SSH2: variants seen among roughly 807,000 people sequenced by gnomAD.
The protein encoded by SSH2 is protein phosphatase Slingshot homolog 2.
In SSH2, 37 loss-of-function variants were observed where a neutral mutation model predicts 135.2. The ratio of observed to expected loss-of-function variants is 0.27; its 90% CI spans 0.21 to 0.36. SSH2 has a LOEUF of 0.36. Among genes scored for constraint, SSH2 ranks in the 10% least tolerant of loss-of-function variants. The probability of loss-of-function intolerance (pLI) is 1.00; values close to 1 mark genes in which losing one functional copy is unlikely to be tolerated. For missense variants in SSH2, 1,408 were observed against 1,765.3 expected (o/e 0.80, Z 3.63); for synonymous variants, 628 against 646.2 (o/e 0.97, Z 0.43).
At chr17:29,887,686 T>C (rs1049903912) in intron 1 of SSH2, among the ~76,000 whole-genome samples, 1 of 152,218 alleles carries the variant, frequency 6.6e-6, no homozygotes, top group African/African-American at 2.4e-5. Context: ...TGGTTGTTCT[T>C]ATTTCTTTCT....
chr17:29,753,772 G>A (rs569740080), intron 3 of SSH2, among the ~76,000 whole-genome samples: 5 of 144,784 alleles, frequency 3.5e-5, no homozygotes, highest in East Asian at 2.0e-4. Flanking sequence ...CAGCCTGGGC[G>A]ATAGAGTGAG....
intron 2 of SSH2, among the ~76,000 whole-genome samples, chr17:29,844,900 A>T (rs970538172): frequency 5.3e-5 from 8 of 152,110 alleles, no homozygotes; most frequent in African/African-American, 1.9e-4. Flanking sequence ...ATTTCCACTT[A>T]TCCAGATTTC....
chr17:29,764,843 CCTT>C (rs2041407150), intron 3 of SSH2, among the ~76,000 whole-genome samples: 1 of 152,136 alleles, frequency 6.6e-6, no homozygotes, highest in African/African-American at 2.4e-5. Context: ...TCCATGTATC[CCTT>C]ATGGTATAAT....
At chr17:29,765,537 A>G (rs1328176184) in intron 3 of SSH2, among the ~76,000 whole-genome samples, 1 of 152,242 alleles carries the variant, frequency 6.6e-6, no homozygotes, top group Admixed American at 6.5e-5. Flanking sequence ...ATTAGAGATT[A>G]TCCTCTATGC....
At chr17:29,820,063 G>A (rs557150635) in intron 2 of SSH2, among the ~76,000 whole-genome samples, 9 of 151,608 alleles carry the variant, frequency 5.9e-5, no homozygotes, top group African/African-American at 2.2e-4. Flanking sequence ...TACTCATCTT[G>A]CTCTTTGTTG....
chr17:29,908,763 GAAAAAAAAAAAAA>G (rs60242323), intron 1 of SSH2, among the ~76,000 whole-genome samples: 13 of 50,880 alleles, frequency 2.6e-4, no homozygotes, highest in South Asian at 7.8e-4. Flanking sequence ...GACTCCATCT[GAAAAAAAAAAAAA>G]AAAAAAAAAA....
At chr17:29,659,468 A>G (rs2036930167) in intron 11 of SSH2, among the ~76,000 whole-genome samples, 1 of 152,204 alleles carries the variant, frequency 6.6e-6, no homozygotes, top group South Asian at 2.1e-4. Flanking sequence ...TTCATTGTTT[A>G]AGATCTATTT....
chr17:29,881,301 C>T (rs1207490034), intron 1 of SSH2, among the ~76,000 whole-genome samples: 2 of 152,086 alleles, frequency 1.3e-5, no homozygotes, highest in Non-Finnish European at 2.9e-5. Flanking sequence ...GTTATAGTAG[C>T]TATAAACTAA....
intron 6 of SSH2, among the ~76,000 whole-genome samples, chr17:29,682,522 A>G (rs561113583): frequency 2.0e-5 from 3 of 152,212 alleles, no homozygotes; most frequent in Non-Finnish European, 4.4e-5. Context: ...GCAGTGGCTC[A>G]TGCCTATAAT....
At chr17:29,685,525 C>A (rs2038174555) in intron 5 of SSH2, among the ~76,000 whole-genome samples, 2 of 152,266 alleles carry the variant, frequency 1.3e-5, no homozygotes, top group Middle Eastern at 3.4e-3. Context: ...GTGGCTCATG[C>A]CTGTAATCCC....
rs1233594450 is a variant in SSH2 at position 29,628,918 on chromosome 17, T to C, written c.*1923A>G. ...GCCCCAGTCTACCTTTTCTGCATCTTTTGGGTCGCCCTGCCATCTGCCCCC... is the reference window on the plus strand; with the variant it reads ...GCCCCAGTCTACCTTTTCTGCATCTCTTGGGTCGCCCTGCCATCTGCCCCC... On this transcript the variant is annotated 3_prime_UTR_variant, in exon 16 of 16. Transcript: ENST00000540801. The C allele has an allele frequency of 6.6e-6, 1 of 152,390 alleles. No individual in the cohort carries two copies. The highest frequency in any genetic ancestry group is 2.4e-5 in the African/African-American group (1 of 41,444). The allele number at this position is 152,390 out of a possible 1,614,324, so 9.4% of individuals were successfully genotyped here.
intron 3 of SSH2, among the ~76,000 whole-genome samples, chr17:29,781,316 T>A (rs2041835187): frequency 6.6e-6 from 1 of 151,814 alleles, no homozygotes. Context: ...TGAAGTCCTA[T>A]CTCAAAGATA....
chr17:29,821,788 C>T (rs2042656525), intron 2 of SSH2, among the ~76,000 whole-genome samples: 1 of 152,112 alleles, frequency 6.6e-6, no homozygotes, highest in Non-Finnish European at 1.5e-5. Context: ...GGGCTACAGG[C>T]ACACGCCATC....
intron 1 of SSH2, among the ~76,000 whole-genome samples, chr17:29,906,173 A>G (rs2066650245): frequency 6.6e-6 from 1 of 152,172 alleles, no homozygotes; most frequent in Admixed American, 6.5e-5. Context: ...GCAAAGGCAT[A>G]ACTGGCCACA....
chr17:29,649,031 C>T (rs1173436219), intron 13 of SSH2, among the ~76,000 whole-genome samples: 1 of 151,954 alleles, frequency 6.6e-6, no homozygotes, highest in Non-Finnish European at 1.5e-5. Flanking sequence ...ATCCCAGCTA[C>T]TCAGGAGGCC....
chr17:29,907,338 A>G (rs567881756), intron 1 of SSH2, among the ~76,000 whole-genome samples: 1 of 151,696 alleles, frequency 6.6e-6, no homozygotes, highest in Admixed American at 6.6e-5. Flanking sequence ...AAGTACACAC[A>G]CTGGGGCCTG....
intron 1 of SSH2, chr17:29,856,227 T>G: frequency 3.1e-6 from 1 of 317,654 alleles, no homozygotes; most frequent in Non-Finnish European, 6.1e-6. Flanking sequence ...CAAATTCAAC[T>G]GCTTTGATTT....
chr17:29,797,760 A>T (rs1041676791), intron 2 of SSH2, among the ~76,000 whole-genome samples: 4 of 152,120 alleles, frequency 2.6e-5, no homozygotes, highest in Admixed American at 6.6e-5. Context: ...TTAGCCAGAC[A>T]TGGCACCTGT....
intron 2 of SSH2, among the ~76,000 whole-genome samples, chr17:29,808,550 CAT>C: frequency 6.6e-6 from 1 of 152,250 alleles, no homozygotes; most frequent in East Asian, 1.9e-4. Context: ...CAACAGCACT[CAT>C]CACTGACTAT....
Sources: gnomAD v4.1 joint callset for allele counts (sites outside exome capture counted in the v4.1 genomes callset) on GRCh38, gnomAD v4.1.1 for gene constraint, MANE v1.5 for transcripts, NCBI Gene and HGNC (gene_info 2026-07-23, HGNC 2026-07-21) for gene names.